The following TNS3 variants were observed in gnomAD, a reference collection of about 807,000 sequenced individuals.
TNS3 encodes tensin 3, also known as tensin-3.
In TNS3, 45 loss-of-function variants were observed where a neutral mutation model predicts 140.9. The observed-to-expected ratio is 0.32, with a 90% CI of 0.25 to 0.41. The LOEUF is 0.41. Ranked by LOEUF, TNS3 falls within the 10% of genes least tolerant of loss-of-function variation. The pLI is 1.00. For synonymous variants in TNS3, 815 were observed against 788.4 expected (o/e 1.03, Z -0.56); for missense variants, 1,716 against 1,906.7 (o/e 0.90, Z 1.86).
chr7:47,374,546 G>T (rs1791264637), intron 16 of TNS3, among the ~76,000 whole-genome samples: 1 of 152,168 alleles, frequency 6.6e-6, no homozygotes. Context: ...TGCAAAAGCT[G>T]CAGGATAAGA....
At chr7:47,362,942 C>G (rs1168026236) in intron 17 of TNS3, among the ~76,000 whole-genome samples, 1 of 24,276 alleles carries the variant, frequency 4.1e-5, no homozygotes, top group Non-Finnish European at 8.5e-5. Flanking sequence ...ATCATCACCA[C>G]CATCAACATC....
chr7:47,302,270 T>A lies in TNS3; in HGVS notation c.3460A>T (p.Ser1154Cys), dbSNP rs776075416. 2 of 1,613,822 alleles carry A rather than the reference T, an allele frequency of 1.2e-6. No homozygotes were observed. Among genetic ancestry groups the A allele is most frequent in the Non-Finnish European group, 1.7e-6 (2 of 1,179,664 alleles). Residue 1154 changes from serine to cysteine, a missense_variant and splice_region_variant, in exon 23 of 31, where the codon AGT (serine) becomes TGT (cysteine). Ser to Cys is a moderately radical substitution (Grantham distance 112). Coordinates refer to ENST00000311160, the MANE Select transcript of TNS3 (RefSeq NM_022748.12). ...ASEAASPLPD[S>C]PGDKLVIVKF... ...ACGATCACAAGTTTATCACCTGGAC[T>A]ATCTGTAAAGCAAAATTTAAAAACA...
chr7:47,419,417 G>GA (rs1371907021), intron 10 of TNS3, among the ~76,000 whole-genome samples: 2 of 152,222 alleles, frequency 1.3e-5, no homozygotes, highest in African/African-American at 4.8e-5. Context: ...GTATGACAGT[G>GA]AAAGAGATCT....
At chr7:47,560,019 G>T (rs776375476) in intron 1 of TNS3, among the ~76,000 whole-genome samples, 2 of 152,132 alleles carry the variant, frequency 1.3e-5, no homozygotes, top group African/African-American at 2.4e-5. Context: ...CTCCACCCCC[G>T]CAGGACTGCA....
intron 4 of TNS3, among the ~76,000 whole-genome samples, chr7:47,460,022 G>A (rs575555915): frequency 6.6e-6 from 1 of 152,126 alleles, no homozygotes; most frequent in South Asian, 2.1e-4. Flanking sequence ...GATTATCCTG[G>A]CTAACACGGT....
At chr7:47,432,409 C>T (rs1794969475) in intron 8 of TNS3, among the ~76,000 whole-genome samples, 1 of 152,186 alleles carries the variant, frequency 6.6e-6, no homozygotes, top group African/African-American at 2.4e-5. Context: ...AAGGCTCTCA[C>T]CAGACGCAGC....
chr7:47,409,195 G>A (rs1278896600), intron 13 of TNS3, among the ~76,000 whole-genome samples: 2 of 152,088 alleles, frequency 1.3e-5, no homozygotes, highest in Non-Finnish European at 2.9e-5. Context: ...AGAAGAGAGG[G>A]GAGAAGAGAA....
At chr7:47,478,884 C>T (rs1162749722) in intron 4 of TNS3, among the ~76,000 whole-genome samples, 1 of 151,936 alleles carries the variant, frequency 6.6e-6, no homozygotes, top group Non-Finnish European at 1.5e-5. Flanking sequence ...CATGTAACAA[C>T]TACATGCATA....
intron 4 of TNS3, among the ~76,000 whole-genome samples, chr7:47,464,078 A>G (rs1025819428): frequency 2.3e-4 from 35 of 152,270 alleles, no homozygotes; most frequent in Non-Finnish European, 5.0e-4. Flanking sequence ...TCATGCTGCT[A>G]CAGAAAGCAA....
At chr7:47,522,030 G>A (rs138131298) in intron 2 of TNS3, among the ~76,000 whole-genome samples, 2 of 152,302 alleles carry the variant, frequency 1.3e-5, no homozygotes, top group African/African-American at 4.8e-5. Context: ...AAGAAGGCCA[G>A]CAAGGGTGGA....
chr7:47,322,367 C>T (rs1787791233), intron 20 of TNS3, among the ~76,000 whole-genome samples: 1 of 151,894 alleles, frequency 6.6e-6, no homozygotes, highest in African/African-American at 2.4e-5. Context: ...ACTAAAAATA[C>T]AAAAATTAGC....
At chr7:47,409,878 C>T (rs997832292) in intron 13 of TNS3, among the ~76,000 whole-genome samples, 1 of 152,120 alleles carries the variant, frequency 6.6e-6, no homozygotes, top group Non-Finnish European at 1.5e-5. Context: ...AGGATGGTCT[C>T]GATCTCCTGA....
intron 4 of TNS3, 27 bp downstream of exon 4, chr7:47,481,076 G>T: frequency 7.8e-7 from 1 of 1,289,256 alleles, no homozygotes; most frequent in Non-Finnish European, 1.0e-6. Flanking sequence ...ATGGAACAAG[G>T]GAGCCAAAGA....
intron 2 of TNS3, among the ~76,000 whole-genome samples, chr7:47,514,572 C>T (rs1025865809): frequency 3.9e-5 from 6 of 152,144 alleles, no homozygotes; most frequent in African/African-American, 1.4e-4. Flanking sequence ...CTCCTTGCTT[C>T]TTTTCTCCTT....
chr7:47,318,666 C>A (rs981839167), intron 20 of TNS3, among the ~76,000 whole-genome samples: 1 of 152,138 alleles, frequency 6.6e-6, no homozygotes, highest in Non-Finnish European at 1.5e-5. Flanking sequence ...TATTGCCCTT[C>A]ACAAGCAGAG....
At chr7:47,394,905 T>C (rs757084733) in intron 16 of TNS3, among the ~76,000 whole-genome samples, 10 of 152,256 alleles carry the variant, frequency 6.6e-5, no homozygotes, top group Non-Finnish European at 1.5e-5. Context: ...GGGAGCCAGC[T>C]TGGGGACAAG....
intron 3 of TNS3, among the ~76,000 whole-genome samples, chr7:47,483,766 G>C (rs1337823813): frequency 6.6e-6 from 1 of 152,198 alleles, no homozygotes; most frequent in African/African-American, 2.4e-5. Context: ...AGCCGGGACT[G>C]CCCGAGTCCC....
intron 16 of TNS3, among the ~76,000 whole-genome samples, chr7:47,389,143 A>G: frequency 1.8e-5 from 1 of 56,720 alleles, no homozygotes; most frequent in African/African-American, 4.6e-5. Context: ...AAGAAGAAGA[A>G]GAAGAAGAAG....
intron 20 of TNS3, among the ~76,000 whole-genome samples, chr7:47,307,795 T>C (rs1291711859): frequency 6.6e-6 from 1 of 152,240 alleles, no homozygotes; most frequent in Non-Finnish European, 1.5e-5. Context: ...TTCACTAGGT[T>C]GTTTGCTTTC....
Sources: allele counts gnomAD v4.1 joint callset (sites outside exome capture counted in the v4.1 genomes callset), GRCh38; gene constraint gnomAD v4.1.1; transcripts MANE v1.5; gene names NCBI Gene and HGNC (gene_info 2026-07-23, HGNC 2026-07-21).